USP49: variants seen among roughly 807,000 people sequenced by gnomAD.
USP49 encodes ubiquitin specific peptidase 49.
Under a neutral mutation model 58.6 loss-of-function variants are expected in USP49, and 24 were observed. The observed-to-expected ratio is 0.41, with a 90% CI of 0.30 to 0.58. The LOEUF (loss-of-function observed/expected upper bound fraction) is 0.58. Ranked by LOEUF, USP49 falls within the 20% of genes least tolerant of loss-of-function variation. USP49 has a pLI of 0.30. For synonymous variants in USP49, 408 were observed against 365.1 expected, an observed-to-expected ratio of 1.12 and a Z score of -1.34; for missense variants, 703 against 866.1, an observed-to-expected ratio of 0.81 and a Z score of 2.36.
In USP49 at chr6:41,870,444, T is replaced by C. The variant is rs189123170; in HGVS notation, c.-29+1120A>G. Among the ~76,000 whole-genome samples the C allele has an allele frequency of 3.1e-4, 47 of 152,360 alleles. 2 individuals are homozygous for C. The highest frequency in any genetic ancestry group is 1.9e-3 in the South Asian group (9 of 4,834). ...CAGGTAGAGGATTGTAGTTATCTGT[T>C]ATTTTTAAATTATTGACATGAATGT... On this transcript the variant is annotated intron_variant, in intron 3 of 7. Coordinates refer to ENST00000682992, the MANE Select transcript of USP49 (RefSeq NM_001286554.2).
chr6:41,802,448 A>ATTTTTTTTTTTTTT (rs1363216201), intron 5 of USP49, among the ~76,000 whole-genome samples: 1 of 53,334 alleles, frequency 1.9e-5, no homozygotes, highest in Non-Finnish European at 3.6e-5. Flanking sequence ...TTATTTATTT[A>ATTTTTTTTTTTTTT]TTTATTTATT....
intron 2 of USP49, among the ~76,000 whole-genome samples, chr6:41,883,748 G>T (rs1482310492): frequency 1.3e-5 from 2 of 152,018 alleles, no homozygotes; most frequent in Middle Eastern, 3.2e-3. Flanking sequence ...AATGCTTATG[G>T]GTATAAGCTT....
chr6:41,836,287 T>A lies in USP49; in HGVS notation c.-28-29276A>T, dbSNP rs151001889. On this transcript the variant is annotated intron_variant, in intron 3 of 7. Coordinates refer to ENST00000682992, the MANE Select transcript of USP49 (RefSeq NM_001286554.2). ...AATAAAAACCACATGATCATCTCCA[T>A]AGATGCAGAAAAGACTTCTGATAAA... Among the ~76,000 whole-genome samples, 1,222 of 152,282 alleles carry A rather than the reference T, an allele frequency of 8.0e-3. 12 individuals are homozygous for A. The highest frequency in any genetic ancestry group is 0.012 in the Non-Finnish European group (804 of 68,018).
At chr6:41,844,519 T>C (rs1773887290) in intron 3 of USP49, among the ~76,000 whole-genome samples, 2 of 152,098 alleles carry the variant, frequency 1.3e-5, no homozygotes, top group Admixed American at 1.3e-4. Context: ...TTCACTCTGT[T>C]GGCCAGGCTG....
intron 3 of USP49, among the ~76,000 whole-genome samples, chr6:41,828,767 C>G (rs543020998): frequency 1.3e-5 from 2 of 152,114 alleles, no homozygotes; most frequent in South Asian, 4.1e-4. Context: ...TTATGAAATC[C>G]TTTCTTATGC....
intron 2 of USP49, chr6:41,873,952 T>C (rs1161835623): frequency 1.3e-5 from 2 of 152,172 alleles, no homozygotes; most frequent in Non-Finnish European, 2.9e-5. Context: ...TTTAAATGGG[T>C]GGGAAGTGAA....
At chr6:41,812,764 A>C (rs1773281828) in intron 3 of USP49, among the ~76,000 whole-genome samples, 1 of 152,224 alleles carries the variant, frequency 6.6e-6, no homozygotes, top group Admixed American at 6.5e-5. Context: ...AAATCAAAGA[A>C]AGAATTTTAT....
At chr6:41,819,030 G>C (rs2127332994) in intron 3 of USP49, among the ~76,000 whole-genome samples, 1 of 152,086 alleles carries the variant, frequency 6.6e-6, no homozygotes, top group East Asian at 1.9e-4. Context: ...GTACAGAAAT[G>C]AAAAGATTTC....
intron 3 of USP49, among the ~76,000 whole-genome samples, chr6:41,829,611 C>A (rs1202664921): frequency 6.6e-6 from 1 of 152,136 alleles, no homozygotes; most frequent in African/African-American, 2.4e-5. Context: ...CCGCGCCTGG[C>A]GGATTCTCTT....
intron 3 of USP49, among the ~76,000 whole-genome samples, chr6:41,864,991 A>C (rs1485510156): frequency 6.6e-6 from 1 of 152,182 alleles, no homozygotes; most frequent in African/African-American, 2.4e-5. Context: ...ATAATAAAAA[A>C]CAATTAGAAT....
At chr6:41,810,953 A>AC (rs375861685) in intron 3 of USP49, among the ~76,000 whole-genome samples, 1 of 152,142 alleles carries the variant, frequency 6.6e-6, no homozygotes, top group African/African-American at 2.4e-5. Context: ...TATGAGGTCA[A>AC]CCCAGAGAAG....
intron 4 of USP49, among the ~76,000 whole-genome samples, chr6:41,804,473 C>T (rs923458096): frequency 6.6e-6 from 1 of 152,164 alleles, no homozygotes; most frequent in Non-Finnish European, 1.5e-5. Flanking sequence ...ACACTGAACC[C>T]CTCTGTCTGC....
intron 2 of USP49, among the ~76,000 whole-genome samples, chr6:41,879,211 A>G (rs1356224644): frequency 4.6e-5 from 7 of 152,156 alleles, no homozygotes; most frequent in Non-Finnish European, 7.3e-5. Context: ...CCTGGCTAAC[A>G]TAACGAGACT....
chr6:41,803,046 CT>C lies in USP49; in HGVS notation c.1561+759del, dbSNP rs1773048398. On this transcript the variant is annotated intron_variant, in intron 5 of 7. Coordinates refer to ENST00000682992, the MANE Select transcript of USP49 (RefSeq NM_001286554.2). This position sits in a 1 kb window ranked among gnomAD's most constrained non-coding sequence, Gnocchi z 4.1. ...GCATCACTTTTGACAGACATTAAGT[CT>C]ACCAGTTCAGTACAAAAGCTTGCTT... Among the ~76,000 whole-genome samples the C allele has an allele frequency of 6.6e-6, 1 of 152,202 alleles. No individual in the cohort carries two copies.
At chr6:41,807,911 T>C (rs1473167091) in intron 3 of USP49, among the ~76,000 whole-genome samples, 2 of 149,590 alleles carry the variant, frequency 1.3e-5, no homozygotes, top group Non-Finnish European at 1.5e-5. Flanking sequence ...GAAGCTGGGA[T>C]TACAGGTGCG....
chr6:41,872,588 A>T (rs960669102), intron 2 of USP49, among the ~76,000 whole-genome samples: 3 of 151,470 alleles, frequency 2.0e-5, no homozygotes, highest in African/African-American at 4.9e-5. Context: ...TATATATATA[A>T]AAAGAAAGAA....
intron 3 of USP49, among the ~76,000 whole-genome samples, chr6:41,868,368 G>GC (rs1215732004): frequency 1.3e-5 from 2 of 151,954 alleles, no homozygotes; most frequent in African/African-American, 4.8e-5. Context: ...TCGCTCTGTT[G>GC]CCAGGCTGGA....
At chr6:41,875,715 T>C (rs1774492270) in intron 2 of USP49, among the ~76,000 whole-genome samples, 1 of 152,162 alleles carries the variant, frequency 6.6e-6, no homozygotes. Flanking sequence ...TTTTGGCCTA[T>C]CCAAATCCAT....
chr6:41,812,134 C>G (rs964565512), intron 3 of USP49, among the ~76,000 whole-genome samples: 16 of 151,366 alleles, frequency 1.1e-4, no homozygotes, highest in African/African-American at 3.9e-4. Flanking sequence ...GGCTAGAGTT[C>G]AGTGGCGCAA....
Sources: allele counts gnomAD v4.1 joint callset (sites outside exome capture counted in the v4.1 genomes callset), GRCh38; gene constraint gnomAD v4.1.1; non-coding constraint Gnocchi (gnomAD v3.1); transcripts MANE v1.5; gene names NCBI Gene and HGNC (gene_info 2026-07-23, HGNC 2026-07-21).